KCNT2: variants seen among roughly 807,000 people sequenced by gnomAD.
KCNT2 encodes potassium channel subfamily T member 2.
KCNT2 carries 67 observed loss-of-function variants against 153.8 expected under a neutral mutation model. The ratio of observed to expected loss-of-function variants is 0.44; its 90% CI spans 0.36 to 0.53. The LOEUF is 0.53. Ranked by LOEUF, KCNT2 falls within the 20% of genes least tolerant of loss-of-function variation. KCNT2 has a pLI of 0.00. For missense variants in KCNT2, 975 were observed against 1,354.8 expected (o/e 0.72, Z 4.40); for synonymous variants, 500 against 458.8 (o/e 1.09, Z -1.15).
intron 26 of KCNT2, among the ~76,000 whole-genome samples, chr1:196,254,645 A>G (rs1656301183): frequency 6.6e-6 from 1 of 151,530 alleles, no homozygotes; most frequent in African/African-American, 2.4e-5. Context: ...TGGTCTTATT[A>G]TTACTACTAC....
At chr1:196,555,907 C>G (rs1213812898) in intron 1 of KCNT2, among the ~76,000 whole-genome samples, 1 of 151,286 alleles carries the variant, frequency 6.6e-6, no homozygotes, top group Non-Finnish European at 1.5e-5. Flanking sequence ...GGGGAAAGGA[C>G]AGTCTCTTCT....
At chr1:196,429,141 C>A (rs552930471) in intron 9 of KCNT2, among the ~76,000 whole-genome samples, 1 of 151,814 alleles carries the variant, frequency 6.6e-6, no homozygotes, top group African/African-American at 2.4e-5. Flanking sequence ...CTGCACCTGG[C>A]CCAGATTTTA....
chr1:196,250,519 A>G (rs1655866782), intron 26 of KCNT2, among the ~76,000 whole-genome samples: 1 of 152,202 alleles, frequency 6.6e-6, no homozygotes. Context: ...TAACTATGAA[A>G]GTACTAAGAG....
intron 22 of KCNT2, among the ~76,000 whole-genome samples, chr1:196,292,342 TA>T (rs1410535092): frequency 6.6e-6 from 1 of 152,140 alleles, no homozygotes; most frequent in Non-Finnish European, 1.5e-5. Flanking sequence ...ACGCCATGTA[TA>T]AAAACTCCAC....
At chr1:196,294,576 G>T (rs749962077) in intron 22 of KCNT2, among the ~76,000 whole-genome samples, 14 of 151,800 alleles carry the variant, frequency 9.2e-5, no homozygotes, top group Non-Finnish European at 1.9e-4. Context: ...GCCCGGCCAA[G>T]ACAGCCATTA....
intron 1 of KCNT2, among the ~76,000 whole-genome samples, chr1:196,531,183 A>T (rs1208044417): frequency 6.6e-6 from 1 of 152,016 alleles, no homozygotes; most frequent in Non-Finnish European, 1.5e-5. Flanking sequence ...ACAGCTTTGG[A>T]GACATTTTCT....
At chr1:196,595,905 G>A (rs1428319997) in intron 1 of KCNT2, among the ~76,000 whole-genome samples, 4 of 151,772 alleles carry the variant, frequency 2.6e-5, no homozygotes, top group Non-Finnish European at 1.5e-5. Context: ...CATCCTCATA[G>A]ATTAGCTTCC....
intron 1 of KCNT2, among the ~76,000 whole-genome samples, chr1:196,577,326 G>A (rs1039134877): frequency 5.3e-5 from 8 of 152,080 alleles, no homozygotes; most frequent in Non-Finnish European, 8.8e-5. Flanking sequence ...AAACAAATGA[G>A]GTGAACCTAC....
chr1:196,412,343 C>A (rs1016829827), intron 12 of KCNT2, among the ~76,000 whole-genome samples: 1 of 151,638 alleles, frequency 6.6e-6, no homozygotes, highest in African/African-American at 2.4e-5. Flanking sequence ...TTGTTAATAA[C>A]TGTGTGTTCA....
chr1:196,294,424 C>T (rs1660492008), intron 22 of KCNT2, among the ~76,000 whole-genome samples: 1 of 151,930 alleles, frequency 6.6e-6, no homozygotes, highest in South Asian at 2.1e-4. Flanking sequence ...TACAGACACG[C>T]GCCACCATAC....
intron 1 of KCNT2, among the ~76,000 whole-genome samples, chr1:196,501,810 A>G (rs867138437): frequency 6.2e-4 from 94 of 152,252 alleles, no homozygotes; most frequent in African/African-American, 2.1e-3. Context: ...CCTCCTATCC[A>G]TTTTTCATTT....
At chr1:196,556,338 G>T (rs935241570) in intron 1 of KCNT2, among the ~76,000 whole-genome samples, 2 of 151,284 alleles carry the variant, frequency 1.3e-5, no homozygotes, top group African/African-American at 4.8e-5. Context: ...TTGGGTGAAA[G>T]ATTTGAATAC....
At chr1:196,277,130 A>T (rs998496367) in intron 25 of KCNT2, among the ~76,000 whole-genome samples, 1 of 151,942 alleles carries the variant, frequency 6.6e-6, no homozygotes, top group Non-Finnish European at 1.5e-5. Context: ...TCTTTTCTTT[A>T]CTCATTGTCC....
intron 8 of KCNT2, among the ~76,000 whole-genome samples, chr1:196,436,040 C>T (rs116028244): frequency 0.012 from 1,847 of 151,656 alleles, 35 homozygotes; most frequent in African/African-American, 0.042. Flanking sequence ...AAAATTACTA[C>T]TTCCGAGTTT....
chr1:196,239,542 C>T (rs1039436002), intron 26 of KCNT2, among the ~76,000 whole-genome samples: 4 of 151,770 alleles, frequency 2.6e-5, no homozygotes, highest in African/African-American at 9.7e-5. Context: ...AATCATATTC[C>T]TATGGTTCTT....
chr1:196,418,487 A>ACAACAG (rs1465278188), intron 12 of KCNT2, among the ~76,000 whole-genome samples: 1 of 152,080 alleles, frequency 6.6e-6, no homozygotes, highest in Non-Finnish European at 1.5e-5. Context: ...AACAACAACA[A>ACAACAG]CAAAAACAAC....
chr1:196,232,932 T>C (rs1208559810), intron 27 of KCNT2, among the ~76,000 whole-genome samples: 2 of 151,236 alleles, frequency 1.3e-5, no homozygotes, highest in Non-Finnish European at 1.5e-5. Flanking sequence ...TCTATATAAT[T>C]AACACAATTA....
intron 7 of KCNT2, among the ~76,000 whole-genome samples, chr1:196,467,237 A>C (rs1677697863): frequency 6.6e-6 from 1 of 152,066 alleles, no homozygotes; most frequent in Non-Finnish European, 1.5e-5. Flanking sequence ...CCAGTCCAAA[A>C]ACCAATAAGG....
At chr1:196,548,054 T>C (rs1657357851) in intron 1 of KCNT2, among the ~76,000 whole-genome samples, 1 of 151,816 alleles carries the variant, frequency 6.6e-6, no homozygotes, top group Non-Finnish European at 1.5e-5. Context: ...ACTCATTAAA[T>C]AAGTAGAACA....
Sources: gnomAD v4.1 joint callset for allele counts (sites outside exome capture counted in the v4.1 genomes callset) on GRCh38, gnomAD v4.1.1 for gene constraint, MANE v1.5 for transcripts, NCBI Gene and HGNC (gene_info 2026-07-23, HGNC 2026-07-21) for gene names.